FAM120A: variants seen among roughly 807,000 people sequenced by gnomAD.
The protein encoded by FAM120A is constitutive coactivator of PPAR-gamma-like protein 1.
FAM120A carries 15 observed loss-of-function variants against 109.7 expected under a neutral mutation model. That is an observed-to-expected ratio of 0.14 (90% CI 0.09 to 0.21). The LOEUF (loss-of-function observed/expected upper bound fraction) is 0.21, where lower values mean the gene tolerates loss of function less well. Among genes scored for constraint, FAM120A ranks in the 10% least tolerant of loss-of-function variants. FAM120A has a pLI of 1.00. For synonymous variants in FAM120A, 493 were observed against 572.8 expected, an observed-to-expected ratio of 0.86 and a Z score of 1.99; for missense variants, 899 against 1,439.3, an observed-to-expected ratio of 0.62 and a Z score of 6.07.
At chr9:93,549,705 G>A (rs750863407) in intron 11 of FAM120A, among the ~76,000 whole-genome samples, 6 of 152,170 alleles carry the variant, frequency 3.9e-5, no homozygotes, top group Non-Finnish European at 8.8e-5. Context: ...AGATCACGTC[G>A]TAATCTATCA....
At chr9:93,550,185 T>C (rs950793150) in intron 11 of FAM120A, among the ~76,000 whole-genome samples, 1 of 152,220 alleles carries the variant, frequency 6.6e-6, no homozygotes, top group Non-Finnish European at 1.5e-5. Flanking sequence ...GATTTGTCTT[T>C]CTTATTTATA....
intron 3 of FAM120A, among the ~76,000 whole-genome samples, chr9:93,487,639 A>G (rs1859123039): frequency 6.6e-6 from 1 of 152,230 alleles, no homozygotes; most frequent in African/African-American, 2.4e-5. Context: ...GAAAAGGCAA[A>G]ACAATAGTGA....
At chr9:93,550,759 C>A (rs1862069961) in intron 12 of FAM120A, 68 bp downstream of exon 12, 39 of 1,137,650 alleles carry the variant, frequency 3.4e-5, no homozygotes, top group Non-Finnish European at 5.1e-5. Context: ...ATACTGCTAA[C>A]TTTCAACAGG....
Position 93,516,266 on chromosome 9 carries a change from C to T in FAM120A, c.1415C>T (p.Thr472Ile), listed in dbSNP as rs1860581319. Residue 472 changes from threonine to isoleucine, a missense_variant, in exon 7 of 18, where the codon ACA becomes ATA. By Grantham distance (89) the Thr-to-Ile change is moderately conservative. Around this residue, in one of 11 missense-constraint regions of FAM120A, gnomAD observed 31 missense variants for 71.8 expected, o/e 0.43. Coordinates refer to ENST00000277165, the MANE Select transcript of FAM120A (RefSeq NM_014612.5). ...AACGACGAGGGCAGCGGAGGGGCGA[C>T]AAAGTGAGTGGTGCGTGGGTCGCTG... Reference protein sequence around the residue: ...SDNDEGSGGATNHISGNKIGW... With the variant: ...SDNDEGSGGAINHISGNKIGW... The T allele has an allele frequency of 6.2e-7, 1 of 1,610,256 alleles. No individual in the cohort carries two copies. Among genetic ancestry groups the T allele is most frequent in the Non-Finnish European group, 8.5e-7 (1 of 1,177,418 alleles).
intron 2 of FAM120A, 127 bp downstream of exon 2, chr9:93,471,514 G>A: frequency 8.4e-7 from 1 of 1,185,936 alleles, no homozygotes; most frequent in Non-Finnish European, 1.2e-6. Flanking sequence ...CCAAGGCGTG[G>A]GCTCTTCCTT....
chr9:93,553,469 AG>A, intron 12 of FAM120A, among the ~76,000 whole-genome samples: 1 of 152,352 alleles, frequency 6.6e-6, no homozygotes, highest in East Asian at 1.9e-4. Flanking sequence ...TTGAAGTAAG[AG>A]TCTGTTGCCC....
chr9:93,476,450 C>T, intron 3 of FAM120A, 112 bp downstream of exon 3: 1 of 678,262 alleles, frequency 1.5e-6, no homozygotes, highest in Non-Finnish European at 2.6e-6. Context: ...TTAGCAATAC[C>T]ATGTTTTCCC....
chr9:93,484,893 C>T (rs1327221054), intron 3 of FAM120A, among the ~76,000 whole-genome samples: 1 of 152,138 alleles, frequency 6.6e-6, no homozygotes. Flanking sequence ...GTGCTTAGAC[C>T]TAGAATGCTC....
At chr9:93,467,222 ATTTTCT>A (rs1231418376) in intron 1 of FAM120A, among the ~76,000 whole-genome samples, 4 of 110,148 alleles carry the variant, frequency 3.6e-5, no homozygotes, top group Non-Finnish European at 7.6e-5. Flanking sequence ...GTTTTTTGTG[ATTTTCT>A]TTGCCAGATC....
intron 1 of FAM120A, among the ~76,000 whole-genome samples, chr9:93,457,599 C>T (rs1318845884): frequency 3.3e-5 from 5 of 152,044 alleles, no homozygotes; most frequent in Non-Finnish European, 7.4e-5. Flanking sequence ...TTAAAAGCCA[C>T]GTAGGACCAT....
intron 1 of FAM120A, among the ~76,000 whole-genome samples, chr9:93,458,563 C>A (rs1005585006): frequency 2.0e-5 from 3 of 152,060 alleles, no homozygotes; most frequent in Non-Finnish European, 4.4e-5. Flanking sequence ...TTGAATTCAC[C>A]ATATTTATCC....
chr9:93,502,709 T>G (rs1196067793), intron 5 of FAM120A, among the ~76,000 whole-genome samples: 2 of 152,212 alleles, frequency 1.3e-5, no homozygotes, highest in Non-Finnish European at 2.9e-5. Flanking sequence ...TCATAATTAC[T>G]AAGCGAGGAC....
In FAM120A at chr9:93,557,959, C is replaced by G; in HGVS notation, c.2617C>G (p.Arg873Gly). 1 of 1,604,850 alleles carries G rather than the reference C, an allele frequency of 6.2e-7. No homozygotes were observed. Among genetic ancestry groups the G allele is most frequent in the Non-Finnish European group, 8.5e-7 (1 of 1,179,666 alleles). Residue 873 changes from arginine (R) to glycine (G), a missense_variant, in exon 14 of 18, where the codon CGG (arginine) becomes GGG (glycine). This residue lies in a region of FAM120A where 129 missense variants were observed against 153.4 expected (regional missense o/e 0.84). Coordinates refer to ENST00000277165, the MANE Select transcript of FAM120A (RefSeq NM_014612.5). ...LPFYPASAYP[R>G]HFGPVPPSQG... Reference sequence around the variant, plus strand: ...CTTCTACCCTGCCTCTGCGTACCCCCGGCACTTTGGGCCTGTCCCACCCTC... The same window carrying G: ...CTTCTACCCTGCCTCTGCGTACCCCGGGCACTTTGGGCCTGTCCCACCCTC...
intron 7 of FAM120A, among the ~76,000 whole-genome samples, chr9:93,519,381 A>G (rs545666696): frequency 3.3e-5 from 5 of 152,042 alleles, no homozygotes; most frequent in Non-Finnish European, 7.4e-5. Flanking sequence ...AGCTAGGATT[A>G]CAGTTGCCTA....
chr9:93,554,683 A>G (rs967992609), intron 12 of FAM120A, among the ~76,000 whole-genome samples: 12 of 152,182 alleles, frequency 7.9e-5, no homozygotes, highest in African/African-American at 2.9e-4. Context: ...AAAGAAAAAA[A>G]AAAGAAACAC....
chr9:93,546,514 C>G (rs943252352), intron 11 of FAM120A, among the ~76,000 whole-genome samples: 4 of 152,230 alleles, frequency 2.6e-5, no homozygotes, highest in African/African-American at 7.2e-5. Flanking sequence ...GTGGCTGGTG[C>G]CTCGTGGCCT....
chr9:93,480,129 C>A (rs1191622835), intron 3 of FAM120A, among the ~76,000 whole-genome samples: 1 of 152,186 alleles, frequency 6.6e-6, no homozygotes, highest in Non-Finnish European at 1.5e-5. Flanking sequence ...GTGACTTCTT[C>A]ATACCTCAAT....
chr9:93,564,137 C>A (rs1862561741), intron 17 of FAM120A, 92 bp from the exon 18 acceptor site: 4 of 1,288,094 alleles, frequency 3.1e-6, no homozygotes, highest in African/African-American at 3.0e-5. Context: ...GCTCTTGAAT[C>A]TGCAGAGAGT....
chr9:93,486,200 C>T (rs79804179), intron 3 of FAM120A, among the ~76,000 whole-genome samples: 11,639 of 151,784 alleles, frequency 0.077, 580 homozygotes, highest in Non-Finnish European at 0.1. Context: ...GTCTCGAACT[C>T]CTGGCCTCAA....
Sources: allele counts gnomAD v4.1 joint callset (sites outside exome capture counted in the v4.1 genomes callset), GRCh38; gene constraint gnomAD v4.1.1; regional missense constraint gnomAD v4.1.1; transcripts MANE v1.5; gene names NCBI Gene and HGNC (gene_info 2026-07-23, HGNC 2026-07-21).